Variants in SPOCK1 observed in about 807,000 individuals in gnomAD.
The protein encoded by SPOCK1 is testican-1.
In SPOCK1, 23 loss-of-function variants were observed where a neutral mutation model predicts 55.3. The ratio of observed to expected loss-of-function variants is 0.42; its 90% CI spans 0.30 to 0.59. The LOEUF (loss-of-function observed/expected upper bound fraction) is 0.59. SPOCK1 is among the 20% of genes least tolerant of loss of function. The pLI, the probability that SPOCK1 is intolerant of heterozygous loss-of-function variation, is 0.22. For missense variants in SPOCK1, 499 were observed against 552.5 expected (o/e 0.90, Z 0.97); for synonymous variants, 226 against 221.0 (o/e 1.02, Z -0.20).
chr5:137,080,281 C>T (rs1446402938), intron 5 of SPOCK1, among the ~76,000 whole-genome samples: 1 of 152,148 alleles, frequency 6.6e-6, no homozygotes, highest in Admixed American at 6.6e-5. Context: ...AGTCCAAATC[C>T]AGGCTATCTG....
intron 2 of SPOCK1, among the ~76,000 whole-genome samples, chr5:137,291,316 C>G (rs749176317): frequency 1.3e-5 from 2 of 152,192 alleles, no homozygotes; most frequent in Non-Finnish European, 2.9e-5. Context: ...ATTCTCACAA[C>G]AGTCCTCTAA....
intron 2 of SPOCK1, among the ~76,000 whole-genome samples, chr5:137,294,123 T>C (rs1162522133): frequency 6.6e-6 from 1 of 152,208 alleles, no homozygotes; most frequent in Non-Finnish European, 1.5e-5. Flanking sequence ...GAGCATTTAA[T>C]CTTATTTAAT....
At chr5:137,258,953 C>T (rs1173055715) in intron 3 of SPOCK1, among the ~76,000 whole-genome samples, 1 of 152,146 alleles carries the variant, frequency 6.6e-6, no homozygotes, top group African/African-American at 2.4e-5. Flanking sequence ...AGCCAGAACA[C>T]AAACTCATAG....
intron 2 of SPOCK1, among the ~76,000 whole-genome samples, chr5:137,358,858 A>G (rs1750880780): frequency 6.6e-6 from 1 of 152,220 alleles, no homozygotes; most frequent in Non-Finnish European, 1.5e-5. Context: ...ACAAAATTTC[A>G]AGACTTACAT....
intron 2 of SPOCK1, among the ~76,000 whole-genome samples, chr5:137,363,254 G>A (rs981973906): frequency 2.0e-5 from 3 of 152,156 alleles, no homozygotes; most frequent in African/African-American, 7.2e-5. Flanking sequence ...TAGGTCCAGG[G>A]ATACCAAAAA....
At chr5:137,196,757 C>T (rs1408732870) in intron 3 of SPOCK1, among the ~76,000 whole-genome samples, 1 of 152,160 alleles carries the variant, frequency 6.6e-6, no homozygotes, top group Non-Finnish European at 1.5e-5. Context: ...GTTAATGTTT[C>T]CCACTGAACT....
At chr5:137,112,310 G>C in intron 5 of SPOCK1, 125 bp downstream of exon 5, 2 of 1,201,640 alleles carry the variant, frequency 1.7e-6, no homozygotes, top group South Asian at 3.0e-5. Context: ...TGCTAATGCA[G>C]CAGCTTCTCA....
chr5:137,428,130 A>G (rs1312595989), intron 2 of SPOCK1, among the ~76,000 whole-genome samples: 1 of 152,134 alleles, frequency 6.6e-6, no homozygotes, highest in Non-Finnish European at 1.5e-5. Flanking sequence ...CCCTGGGGCC[A>G]CTGTAGACAT....
chr5:137,085,502 T>C (rs4976403), intron 5 of SPOCK1, among the ~76,000 whole-genome samples: 137,890 of 152,108 alleles, frequency 0.91, 63,679 homozygotes, highest in East Asian at 1. Context: ...TGTGGGGAGA[T>C]GGCTTTAGAG....
intron 2 of SPOCK1, among the ~76,000 whole-genome samples, chr5:137,269,677 T>C (rs1370548116): frequency 6.6e-6 from 1 of 152,208 alleles, no homozygotes; most frequent in African/African-American, 2.4e-5. Flanking sequence ...GGGAGAATTC[T>C]GGTGAGGCAC....
intron 2 of SPOCK1, among the ~76,000 whole-genome samples, chr5:137,300,754 T>A (rs1343915181): frequency 6.6e-6 from 1 of 152,192 alleles, no homozygotes. Context: ...CCCTTTCCAG[T>A]TGTTCTAGCA....
At chr5:137,182,634 C>G (rs902462737) in intron 3 of SPOCK1, among the ~76,000 whole-genome samples, 4 of 152,154 alleles carry the variant, frequency 2.6e-5, no homozygotes, top group African/African-American at 9.7e-5. Context: ...TCTGGGTCAG[C>G]AGTTCTGCTT....
chr5:137,180,957 T>C (rs548926370), intron 3 of SPOCK1, among the ~76,000 whole-genome samples: 150 of 152,274 alleles, frequency 9.9e-4, no homozygotes, highest in Non-Finnish European at 1.7e-3. Context: ...ACACATATCA[T>C]GAGCTGCCTG....
At chr5:137,129,319 A>T (rs1317487512) in intron 4 of SPOCK1, among the ~76,000 whole-genome samples, 1 of 152,096 alleles carries the variant, frequency 6.6e-6, no homozygotes, top group African/African-American at 2.4e-5. Flanking sequence ...CCTTGCTGGT[A>T]CCTACACCTT....
chr5:137,037,033 G>A (rs143513878), intron 6 of SPOCK1, among the ~76,000 whole-genome samples: 10 of 152,184 alleles, frequency 6.6e-5, no homozygotes, highest in South Asian at 2.1e-4. Flanking sequence ...CTCTCGCTCC[G>A]ATAGTGGCAA....
chr5:137,350,792 G>T (rs1750660428), intron 2 of SPOCK1, among the ~76,000 whole-genome samples: 1 of 151,656 alleles, frequency 6.6e-6, no homozygotes, highest in African/African-American at 2.4e-5. Flanking sequence ...GAATCATATA[G>T]GGTTGTGTGT....
chr5:137,241,280 C>T (rs1209774443), intron 3 of SPOCK1, among the ~76,000 whole-genome samples: 1 of 152,144 alleles, frequency 6.6e-6, no homozygotes, highest in East Asian at 1.9e-4. Context: ...TAGTAGTACA[C>T]ATAAGCAAAG....
intron 2 of SPOCK1, among the ~76,000 whole-genome samples, chr5:137,272,125 G>C (rs1468556374): frequency 6.6e-6 from 1 of 152,066 alleles, no homozygotes; most frequent in African/African-American, 2.4e-5. Flanking sequence ...TCAGAACTGA[G>C]TTTGTAGATC....
intron 6 of SPOCK1, among the ~76,000 whole-genome samples, chr5:137,034,720 C>T (rs1751847769): frequency 1.3e-5 from 2 of 152,146 alleles, no homozygotes; most frequent in African/African-American, 2.4e-5. Flanking sequence ...CCAGAGTGAA[C>T]TATGAGGCTG....
Sources: gnomAD v4.1 joint callset for allele counts (sites outside exome capture counted in the v4.1 genomes callset) on GRCh38, gnomAD v4.1.1 for gene constraint, MANE v1.5 for transcripts, NCBI Gene and HGNC (gene_info 2026-07-23, HGNC 2026-07-21) for gene names.